The following PRR7 variants were observed in gnomAD, a reference collection of about 807,000 sequenced individuals.
The protein encoded by PRR7 is proline rich 7, synaptic.
PRR7 carries 8 observed loss-of-function variants against 18.5 expected under a neutral mutation model. The observed-to-expected ratio is 0.43, with a 90% CI of 0.25 to 0.78. The LOEUF is 0.78. Among genes scored for constraint, PRR7 ranks in the 30% least tolerant of loss-of-function variants. The pLI, the probability that PRR7 is intolerant of heterozygous loss-of-function variation, is 0.22. For missense variants in PRR7, 396 were observed against 403.1 expected, an observed-to-expected ratio of 0.98 and a Z score of 0.15; for synonymous variants, 221 against 187.7, an observed-to-expected ratio of 1.18 and a Z score of -1.45.
rs1478636743 is a variant in PRR7, at chr5:177,449,296, C to T, written c.-325+2336C>T. Among the ~76,000 whole-genome samples, 4 of 152,154 alleles carry T rather than the reference C, an allele frequency of 2.6e-5. No individual in the cohort carries two copies. Among genetic ancestry groups the T allele is most frequent in the Middle Eastern group, 3.2e-3 (1 of 316 alleles). On this transcript the variant is annotated intron_variant, in intron 1 of 3. Transcript: ENST00000323249. The surrounding 1 kb of genome is among the most constrained non-coding windows in gnomAD (Gnocchi z 4.2). Reference sequence around the variant, plus strand: ...CCTCCAGGCTGTGTACACTGTGACACCAGGGGCTGCTTTCTGCATTTGAGC... The same window carrying T: ...CCTCCAGGCTGTGTACACTGTGACATCAGGGGCTGCTTTCTGCATTTGAGC...
intron 1 of PRR7, among the ~76,000 whole-genome samples, chr5:177,447,304 G>C (rs1381607328): frequency 6.6e-6 from 1 of 152,132 alleles, no homozygotes; most frequent in Non-Finnish European, 1.5e-5. Context: ...CGGGGGTGCA[G>C]GGGGAGAGGG....
At chr5:177,447,222 C>A (rs1297411541) in intron 1 of PRR7, among the ~76,000 whole-genome samples, 1 of 152,102 alleles carries the variant, frequency 6.6e-6, no homozygotes, top group East Asian at 1.9e-4. Flanking sequence ...TTGCGCTCCC[C>A]GGCAACACGA....
At chr5:177,451,921 G>C (rs1766913775) in intron 1 of PRR7, among the ~76,000 whole-genome samples, 1 of 138,496 alleles carries the variant, frequency 7.2e-6, no homozygotes, top group Non-Finnish European at 1.6e-5. Context: ...ATGTCTGTTG[G>C]TACCTCCACA....
chr5:177,452,952 T>C (rs1294540427), intron 1 of PRR7, among the ~76,000 whole-genome samples: 1 of 152,224 alleles, frequency 6.6e-6, no homozygotes, highest in Non-Finnish European at 1.5e-5. Context: ...GGAATGCATT[T>C]TGGCTGCTAG....
chr5:177,453,453 C>T (rs996720607), intron 1 of PRR7, among the ~76,000 whole-genome samples: 3 of 152,176 alleles, frequency 2.0e-5, no homozygotes, highest in African/African-American at 4.8e-5. Context: ...TGTTCTGGAA[C>T]GCAGGCCCAG....
Position 177,454,765 on chromosome 5 carries a change from CG to C in PRR7, c.-239-59del. 5.7e-6 allele frequency: 1 copy of C among 175,704 alleles called. No individual in the cohort carries two copies. The highest frequency in any genetic ancestry group is 1.2e-5 in the Non-Finnish European group (1 of 84,092). 10.9% of individuals were successfully genotyped at this position (175,704 alleles called of 1,614,324 possible). ...TTCCCCGGACTGCGCAGGGCGCGGG[CG>C]GGGGCCGGGAAGTCGTTGGGGGCCG... On this transcript the variant is annotated intron_variant, in intron 2 of 3. Coordinates refer to ENST00000323249, the MANE Select transcript of PRR7 (RefSeq NM_030567.5). The surrounding 1 kb of genome is among the most constrained non-coding windows in gnomAD (Gnocchi z 4.7).
intron 1 of PRR7, among the ~76,000 whole-genome samples, chr5:177,447,901 A>G (rs1486137698): frequency 1.3e-5 from 2 of 152,186 alleles, no homozygotes; most frequent in African/African-American, 4.8e-5. Flanking sequence ...CAATGCCCCA[A>G]CTGTACTGAG....
intron 1 of PRR7, among the ~76,000 whole-genome samples, chr5:177,453,198 C>T (rs1301942260): frequency 3.9e-5 from 6 of 152,226 alleles, no homozygotes; most frequent in Non-Finnish European, 5.9e-5. Context: ...TTCAGCTAAA[C>T]CCCATCACCT....
intron 1 of PRR7, among the ~76,000 whole-genome samples, chr5:177,453,581 G>A (rs1209242212): frequency 1.3e-5 from 2 of 152,138 alleles, no homozygotes; most frequent in South Asian, 4.1e-4. Context: ...CCCCAGCCTG[G>A]GGCTCAGGCT....
Position 177,455,968 on chromosome 5 carries a change from G to T in PRR7, c.672G>T (p.Pro224=). The T allele has an allele frequency of 1.3e-6, 2 of 1,589,292 alleles. No individual in the cohort carries two copies. Among genetic ancestry groups the T allele is most frequent in the Non-Finnish European group, 1.7e-6 (2 of 1,172,294 alleles). ...LHLPSAPRPA[P]PCPALCLQAD... ...TGCCCAGCGCCCCTCGGCCCGCGCCGCCCTGCCCAGCCCTCTGCCTGCAGG... is the reference window on the plus strand; with the variant it reads ...TGCCCAGCGCCCCTCGGCCCGCGCCTCCCTGCCCAGCCCTCTGCCTGCAGG... Residue 224 remains proline, a synonymous_variant, in exon 4 of 4, where the codon CCG becomes CCT. Coordinates refer to ENST00000323249, the MANE Select transcript of PRR7 (RefSeq NM_030567.5). This position sits in a 1 kb window ranked among gnomAD's most constrained non-coding sequence, Gnocchi z 6.9.
In PRR7 at chr5:177,456,159, C is replaced by G; in HGVS notation, c.*38C>G. 2 of 1,409,804 alleles carry G rather than the reference C, an allele frequency of 1.4e-6. No homozygotes were observed. Among genetic ancestry groups the G allele is most frequent in the Non-Finnish European group, 1.8e-6 (2 of 1,088,414 alleles). The allele number at this position is 1,409,804 out of a possible 1,614,324, so 87.3% of individuals were successfully genotyped here. ...CGCCCCGGGCCCCACCGGCGGACTCCTGGCCTGACTGCGGGGCTTTTTAAA... is the reference window on the plus strand; with the variant it reads ...CGCCCCGGGCCCCACCGGCGGACTCGTGGCCTGACTGCGGGGCTTTTTAAA... On this transcript the variant is annotated 3_prime_UTR_variant, in exon 4 of 4. Transcript: ENST00000323249.
chr5:177,455,158 T>G lies in PRR7; in HGVS notation c.91T>G (p.Cys31Gly). The change falls in exon 3 of 4, where the codon TGC (cysteine) becomes GGC (glycine). Residue 31 changes from cysteine (C) to glycine (G), a missense_variant. Transcript: ENST00000323249. This position sits in a 1 kb window ranked among gnomAD's most constrained non-coding sequence, Gnocchi z 6.9. ...TCTCATCGTCCTGCTCTGCTGCTTC[T>G]GCAGCTTCCTGCGCCGCCGCCTCAA... ...WGLIVLLCCF[C>G]SFLRRRLKRR... 2 of 1,575,862 alleles carry G rather than the reference T, an allele frequency of 1.3e-6. No individual in the cohort carries two copies. Among genetic ancestry groups the G allele is most frequent in the Non-Finnish European group, 1.7e-6 (2 of 1,165,650 alleles).
At chr5:177,447,472 G>T (rs529703938) in intron 1 of PRR7, among the ~76,000 whole-genome samples, 5 of 152,282 alleles carry the variant, frequency 3.3e-5, no homozygotes, top group Non-Finnish European at 5.9e-5. Flanking sequence ...CTGCAAACGT[G>T]GGGGCGGCCC....
rs1271347111 is a variant in PRR7 at position 177,454,039 on chromosome 5, A to G, written c.-241A>G. On this transcript the variant is annotated splice_region_variant and 5_prime_UTR_variant, in exon 2 of 4. Transcript: ENST00000323249. The surrounding 1 kb of genome is among the most constrained non-coding windows in gnomAD (Gnocchi z 4.7). ...GCCCATCTGGAGTGAGTGCAGGACC[A>G]GGTGGGTACGAAAGACTAGCTTCCA... 6.6e-6 allele frequency: 1 copy of G among 152,334 alleles called. No homozygotes were observed. Among genetic ancestry groups the G allele is most frequent in the African/African-American group, 2.4e-5 (1 of 41,470 alleles). The allele number at this position is 152,334 out of a possible 1,614,324, so 9.4% of individuals were successfully genotyped here. A position where few individuals can be genotyped will look rare whatever the true frequency, so the allele number is the denominator to read the frequency against.
chr5:177,456,171 C>A lies in PRR7; in HGVS notation c.*50C>A. 1.4e-6 allele frequency: 2 copies of A among 1,380,812 alleles called. No homozygotes were observed. Among genetic ancestry groups the A allele is most frequent in the Non-Finnish European group, 1.9e-6 (2 of 1,071,268 alleles). 85.5% of individuals were successfully genotyped at this position (1,380,812 alleles called of 1,614,324 possible). On this transcript the variant is annotated 3_prime_UTR_variant, in exon 4 of 4. Coordinates refer to ENST00000323249, the MANE Select transcript of PRR7 (RefSeq NM_030567.5). The stretch of plus-strand genomic sequence containing the variant: ...CACCGGCGGACTCCTGGCCTGACTG[C>A]GGGGCTTTTTAAATGCTTCCCTGGA...
Position 177,455,510 on chromosome 5 carries a change from C to A in PRR7, c.427+16C>A, listed in dbSNP as rs1244815051. ...CCGCGCCAAGGTGAGTACCGACCTC[C>A]GCCAGGGGGCGATCCGGGCCGCCGG... On this transcript the variant is annotated intron_variant, in intron 3 of 3. Transcript: ENST00000323249. This position sits in a 1 kb window ranked among gnomAD's most constrained non-coding sequence, Gnocchi z 6.9. The A allele has an allele frequency of 1.8e-5, 26 of 1,463,596 alleles. No individual in the cohort carries two copies. The Admixed American group carries it at 2.7e-4, about 15-fold the overall frequency. 90.7% of individuals were successfully genotyped at this position (1,463,596 alleles called of 1,614,324 possible).
At position 177,450,609 on chromosome 5, in the gene PRR7, C is replaced by T. The variant is rs892444840; in HGVS notation, c.-324-3347C>T. Among the ~76,000 whole-genome samples the T allele has an allele frequency of 3.3e-5, 5 of 152,162 alleles. No homozygotes were observed. The highest frequency in any genetic ancestry group is 2.1e-4 in the South Asian group (1 of 4,838). On this transcript the variant is annotated intron_variant, in intron 1 of 3. Coordinates refer to ENST00000323249, the MANE Select transcript of PRR7 (RefSeq NM_030567.5). This position sits in a 1 kb window ranked among gnomAD's most constrained non-coding sequence, Gnocchi z 6.6. ...ATTACTGGGTGCCAGCTGGTAAGGCCGATGGTGCTCGGCCCTGGCCACCCC... is the reference window on the plus strand; with the variant it reads ...ATTACTGGGTGCCAGCTGGTAAGGCTGATGGTGCTCGGCCCTGGCCACCCC...
In PRR7 at chr5:177,449,301, G is replaced by A. The variant is rs1756071944; in HGVS notation, c.-325+2341G>A. On this transcript the variant is annotated intron_variant, in intron 1 of 3. Coordinates refer to ENST00000323249, the MANE Select transcript of PRR7 (RefSeq NM_030567.5). This position sits in a 1 kb window ranked among gnomAD's most constrained non-coding sequence, Gnocchi z 4.2. ...AGGCTGTGTACACTGTGACACCAGG[G>A]GCTGCTTTCTGCATTTGAGCCTCTT... Among the ~76,000 whole-genome samples, 1 of 152,150 alleles carries A rather than the reference G, an allele frequency of 6.6e-6. No homozygotes were observed. The highest frequency in any genetic ancestry group is 2.4e-5 in the African/African-American group (1 of 41,436).
intron 1 of PRR7, among the ~76,000 whole-genome samples, chr5:177,453,151 G>A (rs1197702828): frequency 6.6e-6 from 1 of 152,226 alleles, no homozygotes; most frequent in Admixed American, 6.5e-5. Flanking sequence ...TGGTGTTGAA[G>A]AGAGGATTCT....
Sources: allele counts gnomAD v4.1 joint callset (sites outside exome capture counted in the v4.1 genomes callset), GRCh38; gene constraint gnomAD v4.1.1; non-coding constraint Gnocchi (gnomAD v3.1); transcripts MANE v1.5; gene names NCBI Gene and HGNC (gene_info 2026-07-23, HGNC 2026-07-21).